Variants in CAST observed in about 807,000 individuals in gnomAD.
CAST encodes the protein calpastatin, also known as MIR583 host.
Under a neutral mutation model 119.6 loss-of-function variants are expected in CAST, and 76 were observed. The ratio of observed to expected loss-of-function variants is 0.64; its 90% CI spans 0.53 to 0.77. The LOEUF (loss-of-function observed/expected upper bound fraction) is 0.77. Among genes scored for constraint, CAST ranks in the 30% least tolerant of loss-of-function variants. The probability of loss-of-function intolerance (pLI) is 0.00; values close to 1 mark genes in which losing one functional copy is unlikely to be tolerated. For synonymous variants in CAST, 319 were observed against 331.6 expected (o/e 0.96, Z 0.41); for missense variants, 953 against 946.5 (o/e 1.01, Z -0.09).
the CAST span, among the ~76,000 whole-genome samples, chr5:96,125,768 C>G: frequency 6.6e-6 from 1 of 152,080 alleles, no homozygotes; most frequent in Non-Finnish European, 1.5e-5. Context: ...CTCAACTTTT[C>G]CAGGACATAT....
chr5:96,363,541 G>T, the CAST span, among the ~76,000 whole-genome samples: 3 of 152,076 alleles, frequency 2.0e-5, no homozygotes, highest in African/African-American at 7.2e-5. Flanking sequence ...TCCTTGAAGA[G>T]GTCCTTCACA....
chr5:96,481,890 A>T, the CAST span, among the ~76,000 whole-genome samples: 1 of 152,314 alleles, frequency 6.6e-6, no homozygotes, highest in African/African-American at 2.4e-5. Context: ...AGTAATAATC[A>T]CAATCACTGT....
chr5:95,967,229 T>C, the CAST span, among the ~76,000 whole-genome samples: 23 of 152,070 alleles, frequency 1.5e-4, no homozygotes, highest in Non-Finnish European at 3.1e-4. Context: ...GCCTCAAGAA[T>C]GATTTTGATA....
chr5:96,582,562 G>A (rs919272015), intron 1 of CAST, among the ~76,000 whole-genome samples: 1 of 152,154 alleles, frequency 6.6e-6, no homozygotes, highest in Non-Finnish European at 1.5e-5. Flanking sequence ...CCAGGAGCGT[G>A]GGCCAGCATA....
At chr5:96,112,538 G>A in the CAST span, among the ~76,000 whole-genome samples, 3 of 152,148 alleles carry the variant, frequency 2.0e-5, no homozygotes, top group African/African-American at 4.8e-5. Context: ...ATACATAGTT[G>A]CTATTAAAGA....
At chr5:96,531,443 T>A (rs1745685721) in intron 1 of CAST, among the ~76,000 whole-genome samples, 1 of 140,942 alleles carries the variant, frequency 7.1e-6, no homozygotes. Flanking sequence ...AGAAAAATCC[T>A]CCATAGAAAC....
At position 96,662,411 on chromosome 5, in the gene CAST, A is replaced by T; in HGVS notation, c.-12A>T. The T allele has an allele frequency of 7.5e-7, 1 of 1,328,970 alleles. No individual in the cohort carries two copies. The highest frequency in any genetic ancestry group is 9.7e-7 in the Non-Finnish European group (1 of 1,034,636). The allele number at this position is 1,328,970 out of a possible 1,614,324, so 82.3% of individuals were successfully genotyped here. A position where few individuals can be genotyped will look rare whatever the true frequency, so the allele number is the denominator to read the frequency against. On this transcript the variant is annotated 5_prime_UTR_variant, in exon 1 of 32. Transcript: ENST00000675179. ...GCGCATTCCGGGAGGCAGCGGCCGC[A>T]GCGGCCTCGCCATGTCCCAGCCCGG...
the CAST span, among the ~76,000 whole-genome samples, chr5:96,220,890 C>T: frequency 0.023 from 3,545 of 152,202 alleles, 125 homozygotes; most frequent in African/African-American, 0.081. Flanking sequence ...CCGTGATGCC[C>T]TTTGTCGGTA....
the CAST span, among the ~76,000 whole-genome samples, chr5:96,414,215 T>A: frequency 6.6e-6 from 1 of 151,790 alleles, no homozygotes; most frequent in Non-Finnish European, 1.5e-5. Flanking sequence ...CCTCTGTGCC[T>A]CAGTTTCTTC....
At chr5:96,034,459 T>TCACACACACACACACACACA in the CAST span, among the ~76,000 whole-genome samples, 1 of 40,956 alleles carries the variant, frequency 2.4e-5, no homozygotes, top group Admixed American at 2.0e-4. Context: ...TGGGTATATA[T>TCACACACACACACACACACA]CATACACACA....
At chr5:96,021,485 G>T in the CAST span, among the ~76,000 whole-genome samples, 1 of 151,502 alleles carries the variant, frequency 6.6e-6, no homozygotes, top group Admixed American at 6.6e-5. Context: ...TCGCTCTGTT[G>T]CCCAGGCTGG....
intron 1 of CAST, among the ~76,000 whole-genome samples, chr5:96,615,346 C>G (rs558566461): frequency 4.6e-5 from 7 of 152,298 alleles, no homozygotes; most frequent in Middle Eastern, 3.4e-3. Flanking sequence ...ATTTGGCAGT[C>G]CCTAGGCAGG....
chr5:96,112,377 G>T, the CAST span, among the ~76,000 whole-genome samples: 1 of 152,120 alleles, frequency 6.6e-6, no homozygotes, highest in Non-Finnish European at 1.5e-5. Context: ...TCATGGCAAA[G>T]ATTGGTTGGC....
At chr5:96,265,415 G>A in the CAST span, among the ~76,000 whole-genome samples, 6 of 152,076 alleles carry the variant, frequency 3.9e-5, no homozygotes, top group African/African-American at 1.2e-4. Context: ...GTCATTCCAA[G>A]TCCAAAAGAC....
intron 1 of CAST, among the ~76,000 whole-genome samples, chr5:96,543,847 A>G (rs1745958339): frequency 1.3e-5 from 2 of 152,200 alleles, no homozygotes; most frequent in African/African-American, 4.8e-5. Context: ...CTTTGCTCCT[A>G]TGTCAAGGAT....
chr5:96,553,931 C>A (rs973186467), intron 1 of CAST, among the ~76,000 whole-genome samples: 10 of 152,190 alleles, frequency 6.6e-5, no homozygotes, highest in African/African-American at 2.4e-4. Flanking sequence ...AAAAACATTC[C>A]ATGCTCATGG....
At chr5:96,378,738 T>C in the CAST span, among the ~76,000 whole-genome samples, 221 of 152,216 alleles carry the variant, frequency 1.5e-3, 1 homozygote, top group Admixed American at 2.2e-3. Context: ...TACCAACTTA[T>C]ACTCTTATTT....
At chr5:96,687,192 G>A (rs549298872) in intron 2 of CAST, among the ~76,000 whole-genome samples, 22 of 152,306 alleles carry the variant, frequency 1.4e-4, no homozygotes, top group African/African-American at 5.1e-4. Flanking sequence ...GGCGGATGGT[G>A]GAGGATGAGG....
chr5:96,334,971 C>A, the CAST span, among the ~76,000 whole-genome samples: 1 of 152,338 alleles, frequency 6.6e-6, no homozygotes, highest in South Asian at 2.1e-4. Flanking sequence ...TCACACCCTG[C>A]ATTATCGTCC....
Sources: gnomAD v4.1 joint callset for allele counts (sites outside exome capture counted in the v4.1 genomes callset) on GRCh38, gnomAD v4.1.1 for gene constraint, MANE v1.5 for transcripts, NCBI Gene and HGNC (gene_info 2026-07-23, HGNC 2026-07-21) for gene names.